TMTC1: variants seen among roughly 807,000 people sequenced by gnomAD.
The protein encoded by TMTC1 is protein O-mannosyl-transferase TMTC1.
A neutral mutation model predicts 104.8 loss-of-function variants in TMTC1; 73 were observed. That is an observed-to-expected ratio of 0.70 (90% CI 0.58 to 0.85). The LOEUF is 0.85. TMTC1 is among the 40% of genes least tolerant of loss of function. The pLI, the probability that TMTC1 is intolerant of heterozygous loss-of-function variation, is 0.00. For synonymous variants in TMTC1, 434 were observed against 428.7 expected (o/e 1.01, Z -0.15); for missense variants, 1,035 against 1,096.1 (o/e 0.94, Z 0.79).
intron 5 of TMTC1, among the ~76,000 whole-genome samples, chr12:29,715,012 G>T (rs1235545780): frequency 6.6e-6 from 1 of 152,092 alleles, no homozygotes; most frequent in Non-Finnish European, 1.5e-5. Context: ...TACCCATACT[G>T]TTTGACAATA....
chr12:29,578,751 C>A (rs1191195269), intron 8 of TMTC1, among the ~76,000 whole-genome samples: 1 of 152,082 alleles, frequency 6.6e-6, no homozygotes, highest in Non-Finnish European at 1.5e-5. Flanking sequence ...GTCAGGAGGA[C>A]CATCCCCAAA....
At chr12:29,571,424 G>T (rs75962018) in intron 9 of TMTC1, among the ~76,000 whole-genome samples, 1 of 151,700 alleles carries the variant, frequency 6.6e-6, no homozygotes, top group Non-Finnish European at 1.5e-5. Flanking sequence ...GGGTACTTCC[G>T]ACTGGCTAGT....
At chr12:29,671,974 G>A (rs1940534522) in intron 5 of TMTC1, among the ~76,000 whole-genome samples, 1 of 152,178 alleles carries the variant, frequency 6.6e-6, no homozygotes, top group Non-Finnish European at 1.5e-5. Context: ...ACAGCTCTCT[G>A]CACATACAGT....
rs763212059 is a variant in TMTC1, at chr12:29,518,578, G to T, written c.1918C>A (p.Gln640Lys). 1.9e-6 allele frequency: 3 copies of T among 1,614,096 alleles called. No individual in the cohort carries two copies. In the South Asian group the frequency reaches 3.3e-5, roughly 18 times the overall value. ...GLPEKAVAHY[Q>K]QAIKLSPSHH... ...CTGGGGCTAAGTTTGATGGCCTGCT[G>T]GTAATGGGCCACTGCCTTTTCTGGT... is the stretch of plus-strand genomic sequence containing the variant. Residue 640 changes from glutamine to lysine, a missense_variant, in exon 13 of 18, where the codon CAG becomes AAG. Gln to Lys is a moderately conservative substitution (Grantham distance 53, BLOSUM62 1). Transcript: ENST00000539277.
intron 5 of TMTC1, among the ~76,000 whole-genome samples, chr12:29,703,799 C>G (rs1012796749): frequency 1.3e-5 from 2 of 152,150 alleles, no homozygotes; most frequent in Admixed American, 6.5e-5. Flanking sequence ...CCTTTGAAAC[C>G]CTTTTATATT....
At position 29,745,983 on chromosome 12, in the gene TMTC1, T is replaced by C. The variant is rs560628146; in HGVS notation, c.938+5683A>G. 1.1e-4 allele frequency among the ~76,000 whole-genome samples: 16 copies of C among 152,292 alleles called. No homozygotes were observed. The East Asian group carries it at 1.7e-3, about 17-fold the overall frequency. ...AGTGAAATGTGGACCAGCTTATTTA[T>C]ACACAAAGCAAGGGAAGCAAGGAAA... On this transcript the variant is annotated intron_variant, in intron 5 of 17. Coordinates refer to ENST00000539277, the MANE Select transcript of TMTC1 (RefSeq NM_001193451.2).
chr12:29,710,454 G>A (rs941284745), intron 5 of TMTC1, among the ~76,000 whole-genome samples: 1 of 150,944 alleles, frequency 6.6e-6, no homozygotes, highest in Non-Finnish European at 1.5e-5. Flanking sequence ...CATCAACCTA[G>A]ATCACAAATG....
chr12:29,622,814 G>A (rs904332846), intron 6 of TMTC1, among the ~76,000 whole-genome samples: 2 of 152,156 alleles, frequency 1.3e-5, no homozygotes, highest in African/African-American at 4.8e-5. Flanking sequence ...TGAAGGAGAG[G>A]CACAGAACGA....
chr12:29,717,687 T>A (rs1370582615), intron 5 of TMTC1, among the ~76,000 whole-genome samples: 1 of 152,218 alleles, frequency 6.6e-6, no homozygotes, highest in Non-Finnish European at 1.5e-5. Context: ...ATATTAGATA[T>A]GAGGTCATAC....
chr12:29,599,958 GTA>G (rs201779600), intron 7 of TMTC1, among the ~76,000 whole-genome samples: 126 of 134,124 alleles, frequency 9.4e-4, no homozygotes, highest in South Asian at 2.8e-3. Context: ...ATATATATGT[GTA>G]TATATATATG....
chr12:29,556,371 C>T (rs2136258356), intron 10 of TMTC1, among the ~76,000 whole-genome samples: 1 of 152,300 alleles, frequency 6.6e-6, no homozygotes, highest in East Asian at 1.9e-4. Context: ...TATGGTTAAC[C>T]ATTTGTCTAT....
chr12:29,712,958 T>C (rs1432837258), intron 5 of TMTC1, among the ~76,000 whole-genome samples: 2 of 152,188 alleles, frequency 1.3e-5, no homozygotes, highest in African/African-American at 2.4e-5. Context: ...AACACCAGGC[T>C]AGACGTTGCT....
At chr12:29,665,140 T>C (rs535780012) in intron 5 of TMTC1, among the ~76,000 whole-genome samples, 34 of 152,182 alleles carry the variant, frequency 2.2e-4, no homozygotes, top group African/African-American at 8.2e-4. Flanking sequence ...ACGAAGAAAC[T>C]ACCCAATTTC....
chr12:29,506,934 G>A lies in TMTC1; in HGVS notation c.2561C>T (p.Pro854Leu). 6.2e-7 allele frequency: 1 copy of A among 1,613,992 alleles called. No homozygotes were observed. The highest frequency in any genetic ancestry group is 1.1e-5 in the South Asian group (1 of 91,082). Reference protein sequence around the residue: ...AYYERALQLVPDSKLLKENLA... With the variant: ...AYYERALQLVLDSKLLKENLA... ...ATTTTCCTTCAGCAGTTTGCTGTCT[G>A]GAACCAGCTGTAAGGCTCTCTCATA... The change falls in exon 18 of 18, where the codon CCA (proline) becomes CTA (leucine). Residue 854 changes from proline to leucine, a missense_variant. Transcript: ENST00000539277.
At chr12:29,716,009 T>TATC (rs1383749099) in intron 5 of TMTC1, among the ~76,000 whole-genome samples, 1 of 144,976 alleles carries the variant, frequency 6.9e-6, no homozygotes, top group East Asian at 2.0e-4. Context: ...TTATTATTAT[T>TATC]ATTATTATTA....
At position 29,749,828 on chromosome 12, in the gene TMTC1, C is replaced by G. The variant is rs190068444; in HGVS notation, c.938+1838G>C. 1.3e-4 allele frequency among the ~76,000 whole-genome samples: 20 copies of G among 152,178 alleles called. No homozygotes were observed. In the East Asian group the frequency reaches 3.7e-3, roughly 28 times the overall value. ...GTTTCCTTCCTTTCCCTCTCCCCAT[C>G]ATCACAAACATTAATTAGCGAGTCC... is the stretch of plus-strand genomic sequence containing the variant. On this transcript the variant is annotated intron_variant, in intron 5 of 17. Transcript: ENST00000539277.
At chr12:29,576,795 CA>C (rs999589931) in intron 8 of TMTC1, among the ~76,000 whole-genome samples, 1 of 151,396 alleles carries the variant, frequency 6.6e-6, no homozygotes, top group African/African-American at 2.4e-5. Context: ...ACTATTAATA[CA>C]AAAAAGAAAA....
At chr12:29,664,696 T>C (rs1267760343) in intron 5 of TMTC1, among the ~76,000 whole-genome samples, 1 of 152,258 alleles carries the variant, frequency 6.6e-6, no homozygotes, top group Non-Finnish European at 1.5e-5. Flanking sequence ...AATTTCTTTC[T>C]TCTAAAGGAG....
At chr12:29,674,066 A>G (rs1473434675) in intron 5 of TMTC1, among the ~76,000 whole-genome samples, 1 of 151,960 alleles carries the variant, frequency 6.6e-6, no homozygotes, top group Admixed American at 6.6e-5. Flanking sequence ...GCCTTGCCAG[A>G]GGGACTTCTC....
Sources: allele counts gnomAD v4.1 joint callset (sites outside exome capture counted in the v4.1 genomes callset), GRCh38; gene constraint gnomAD v4.1.1; transcripts MANE v1.5; gene names NCBI Gene and HGNC (gene_info 2026-07-23, HGNC 2026-07-21).